The following OAS3 variants were observed in gnomAD, a reference collection of about 807,000 sequenced individuals.
The protein encoded by OAS3 is 2'-5'-oligoadenylate synthetase 3, also known as 2'-5'-oligoadenylate synthase 3.
In OAS3, 107 loss-of-function variants were observed where a neutral mutation model predicts 113.0. That is an observed-to-expected ratio of 0.95 (90% confidence interval 0.81 to 1.11). The LOEUF is 1.11. OAS3 is among the 50% of genes most tolerant of loss of function. OAS3 has a pLI of 0.00. For synonymous variants in OAS3, 552 were observed against 573.6 expected (o/e 0.96, Z 0.54); for missense variants, 1,258 against 1,389.1 (o/e 0.91, Z 1.50).
intron 3 of OAS3, 60 bp from the exon 4 acceptor site, chr12:112,946,683 G>C (rs1196495206): frequency 1.4e-6 from 2 of 1,449,740 alleles, no homozygotes; most frequent in Admixed American, 2.0e-5. Flanking sequence ...GTTATGCAGA[G>C]AGCTGGCTCT....
At chr12:112,960,902 A>G (rs1298501760) in intron 7 of OAS3, among the ~76,000 whole-genome samples, 169 bp from the exon 8 acceptor site, 1 of 152,206 alleles carries the variant, frequency 6.6e-6, no homozygotes, top group Non-Finnish European at 1.5e-5. Flanking sequence ...CAGAATTGAT[A>G]CTGAAAAAAT....
intron 8 of OAS3, 129 bp downstream of exon 8, chr12:112,961,375 G>A (rs541331730): frequency 7.7e-4 from 620 of 803,010 alleles, no homozygotes; most frequent in Admixed American, 1.1e-3. Context: ...CAGAAGGACC[G>A]GCCTCCTCCA....
intron 6 of OAS3, 112 bp from the exon 7 acceptor site, chr12:112,950,581 C>T (rs2043779507): frequency 4.0e-6 from 5 of 1,261,200 alleles, no homozygotes; most frequent in Non-Finnish European, 5.6e-6. Flanking sequence ...CCAGACCTGA[C>T]ATCAGCAAGA....
chr12:112,950,703 T>A lies in OAS3; in HGVS notation c.1385T>A (p.Phe462Tyr), dbSNP rs778705671. 2 of 1,613,972 alleles carry A rather than the reference T, an allele frequency of 1.2e-6. No individual in the cohort carries two copies. ...KASRVSKGGS[F>Y]GRGTDLRDGC... ...TTCTTCCCTCCACAGGGGGGCTCAT[T>A]TGGCCGGGGCACAGACCTAAGGGAT... The change falls in exon 7 of 16, where the codon TTT becomes TAT. Residue 462 changes from phenylalanine to tyrosine, a missense_variant. Physicochemically the swap from Phe to Tyr is conservative, Grantham distance 22. Coordinates refer to ENST00000228928, the MANE Select transcript of OAS3 (RefSeq NM_006187.4).
Position 112,972,543 on chromosome 12 carries a change from A to G in OAS3, c.*2570A>G, listed in dbSNP as rs187134014. The G allele has an allele frequency of 6.6e-6, 1 of 152,372 alleles. No individual in the cohort carries two copies. The highest frequency in any genetic ancestry group is 1.5e-5 in the Non-Finnish European group (1 of 68,060). The allele number at this position is 152,372 out of a possible 1,614,324, so 9.4% of individuals were successfully genotyped here. ...GACGCTAAAGTTCTTATGGAAAAATACACACGCAATAGCTAGGAAAACACA... is the reference window on the plus strand; with the variant it reads ...GACGCTAAAGTTCTTATGGAAAAATGCACACGCAATAGCTAGGAAAACACA... On this transcript the variant is annotated 3_prime_UTR_variant, in exon 16 of 16. Coordinates refer to ENST00000228928, the MANE Select transcript of OAS3 (RefSeq NM_006187.4).
chr12:112,945,020 T>C (rs2043715102), intron 3 of OAS3: 1 of 318,818 alleles, frequency 3.1e-6, no homozygotes, highest in Non-Finnish European at 6.1e-6. Context: ...TAAGAAGTCT[T>C]TCCCTATCCT....
chr12:112,943,593 A>C (rs971299812), intron 2 of OAS3, among the ~76,000 whole-genome samples: 2 of 152,138 alleles, frequency 1.3e-5, no homozygotes, highest in Non-Finnish European at 2.9e-5. Context: ...AAATCATGGA[A>C]TTTCTCTGTG....
In OAS3 at chr12:112,961,177, G is replaced by A. The variant is rs1198364160; in HGVS notation, c.1764G>A (p.Arg588=). Residue 588 remains arginine (R), a synonymous_variant, in exon 8 of 16, where the codon AGG becomes AGA. Coordinates refer to ENST00000228928, the MANE Select transcript of OAS3 (RefSeq NM_006187.4). ...AGGCCTGCTTCGCAGAGCTGCGGAG[G>A]AACTTCATGAACATTCGCCCTGTCA... ...EHKACFAELR[R]NFMNIRPVKL... is the part of the protein sequence containing the mutation. 1.6e-5 allele frequency: 26 copies of A among 1,613,222 alleles called. No homozygotes were observed. The highest frequency in any genetic ancestry group is 2.0e-5 in the Non-Finnish European group (24 of 1,179,908).
chr12:112,938,548 C>A lies in OAS3; in HGVS notation c.18C>A (p.Thr6=), dbSNP rs200500261. MDLYS[T]PAAALDRFVA... is the part of the protein sequence containing the mutation. The stretch of plus-strand genomic sequence containing the variant: ...GGGCGGCCATGGACTTGTACAGCAC[C>A]CCGGCCGCTGCGCTGGACAGGTTCG... Residue 6 remains threonine (T), a synonymous_variant, in exon 1 of 16, where the codon ACC becomes ACA. Coordinates refer to ENST00000228928, the MANE Select transcript of OAS3 (RefSeq NM_006187.4). 1.2e-6 allele frequency: 2 copies of A among 1,608,160 alleles called. No homozygotes were observed. The highest frequency in any genetic ancestry group is 2.7e-5 in the African/African-American group (2 of 74,744).
At position 112,950,829 on chromosome 12, in the gene OAS3, T is replaced by C; in HGVS notation, c.1511T>C (p.Leu504Pro). Residue 504 changes from leucine to proline, a missense_variant, in exon 7 of 16, where the codon CTA becomes CCA. Transcript: ENST00000228928. ...AEILDEMRAQ[L>P]ESWWQDQVPS... ...ATCCTTGATGAGATGCGAGCGCAGC[T>C]AGAATCCTGGTGGCAGGACCAGGTG... 1 of 1,614,036 alleles carries C rather than the reference T, an allele frequency of 6.2e-7. No individual in the cohort carries two copies. Among genetic ancestry groups the C allele is most frequent in the Non-Finnish European group, 8.5e-7 (1 of 1,179,888 alleles).
Position 112,946,664 on chromosome 12 carries a change from C to T in OAS3, c.637-79C>T. The T allele has an allele frequency of 3.9e-6, 5 of 1,296,664 alleles. No individual in the cohort carries two copies. In the South Asian group the frequency reaches 6.7e-5, roughly 17 times the overall value. 80.3% of individuals were successfully genotyped at this position (1,296,664 alleles called of 1,614,324 possible). A position where few individuals can be genotyped will look rare whatever the true frequency, so the allele number is the denominator to read the frequency against. The stretch of plus-strand genomic sequence containing the variant: ...TGCCTCAGGCTCGGCCTGGAAGGTC[C>T]CCAGTCTGGTTATGCAGAGAGCTGG... On this transcript the variant is annotated intron_variant, in intron 3 of 15. Coordinates refer to ENST00000228928, the MANE Select transcript of OAS3 (RefSeq NM_006187.4).
chr12:112,940,429 T>C (rs1466451454), intron 1 of OAS3, among the ~76,000 whole-genome samples: 1 of 152,216 alleles, frequency 6.6e-6, no homozygotes, highest in Non-Finnish European at 1.5e-5. Flanking sequence ...TGCAGCCACA[T>C]GTAACTACAT....
At chr12:112,967,339 T>A in intron 12 of OAS3, 79 bp from the exon 13 acceptor site, 3 of 1,370,370 alleles carry the variant, frequency 2.2e-6, no homozygotes, top group Non-Finnish European at 3.0e-6. Context: ...AGGTAGGAGA[T>A]CTCAGAAGTC....
At chr12:112,957,283 C>G (rs1471583179) in intron 7 of OAS3, among the ~76,000 whole-genome samples, 1 of 151,870 alleles carries the variant, frequency 6.6e-6, no homozygotes, top group African/African-American at 2.4e-5. Context: ...GGTCTTGACT[C>G]TATCCAATTT....
At chr12:112,958,106 C>A (rs1006314743) in intron 7 of OAS3, among the ~76,000 whole-genome samples, 2 of 152,076 alleles carry the variant, frequency 1.3e-5, no homozygotes, top group African/African-American at 4.8e-5. Flanking sequence ...TCACTGATAC[C>A]CTTTCTTCCA....
chr12:112,944,335 C>A lies in OAS3; in HGVS notation c.461-141C>A, dbSNP rs144802712. The A allele has an allele frequency of 2.4e-3, 1,943 of 825,994 alleles. 24 individuals are homozygous for A. In the African/African-American group the frequency reaches 0.029, roughly 12 times the overall value. The allele number at this position is 825,994 out of a possible 1,614,324, so 51.2% of individuals were successfully genotyped here. On this transcript the variant is annotated intron_variant, in intron 2 of 15. Coordinates refer to ENST00000228928, the MANE Select transcript of OAS3 (RefSeq NM_006187.4). ...GCTCCAGGCTCTCTTCCCAGTCCCCCGACTCCCATGTTACCAGATTTCTTC... is the reference window on the plus strand; with the variant it reads ...GCTCCAGGCTCTCTTCCCAGTCCCCAGACTCCCATGTTACCAGATTTCTTC...
intron 6 of OAS3, among the ~76,000 whole-genome samples, chr12:112,949,918 C>A (rs1470402877): frequency 6.6e-6 from 1 of 152,190 alleles, no homozygotes; most frequent in Non-Finnish European, 1.5e-5. Context: ...ATGCAGGAGG[C>A]TGAGGCAGGA....
rs45489899 is a variant in OAS3 at position 112,967,667 on chromosome 12, C to G, written c.2865+74C>G. 4.0e-3 allele frequency: 6,007 copies of G among 1,503,926 alleles called. 181 individuals carry two copies. In the African/African-American group the frequency reaches 0.072, roughly 18 times the overall value. 93.2% of individuals were successfully genotyped at this position (1,503,926 alleles called of 1,614,324 possible). On this transcript the variant is annotated intron_variant, in intron 13 of 15. Coordinates refer to ENST00000228928, the MANE Select transcript of OAS3 (RefSeq NM_006187.4). ...TCTGGAGCACTTTCCTGGGAGGAAG[C>G]AGGGCCCAGCCCTGGCCAAGATCCT...
At position 112,961,184 on chromosome 12, in the gene OAS3, A is replaced by G. The variant is rs1434772691; in HGVS notation, c.1771A>G (p.Met591Val). Residue 591 changes from methionine (M) to valine (V), a missense_variant, in exon 8 of 16, where the codon ATG (methionine) becomes GTG (valine). Coordinates refer to ENST00000228928, the MANE Select transcript of OAS3 (RefSeq NM_006187.4). ...ACFAELRRNF[M>V]NIRPVKLKNL... is the part of the protein sequence containing the mutation. ...CTTCGCAGAGCTGCGGAGGAACTTC[A>G]TGAACATTCGCCCTGTCAAGCTGAA... is the stretch of plus-strand genomic sequence containing the variant. The G allele has an allele frequency of 6.2e-7, 1 of 1,613,306 alleles. No individual in the cohort carries two copies. The highest frequency in any genetic ancestry group is 1.7e-5 in the Admixed American group (1 of 60,006).
Sources: gnomAD v4.1 joint callset for allele counts (sites outside exome capture counted in the v4.1 genomes callset) on GRCh38, gnomAD v4.1.1 for gene constraint, MANE v1.5 for transcripts, NCBI Gene and HGNC (gene_info 2026-07-23, HGNC 2026-07-21) for gene names.